The following PITPNM2 variants were observed in gnomAD, a reference collection of about 807,000 sequenced individuals.
PITPNM2 encodes phosphatidylinositol transfer protein membrane associated 2.
PITPNM2 carries 35 observed loss-of-function variants against 132.2 expected under a neutral mutation model. The observed-to-expected ratio is 0.26, with a 90% CI of 0.20 to 0.35. PITPNM2 has a LOEUF of 0.35. Among genes scored for constraint, PITPNM2 ranks in the 10% least tolerant of loss-of-function variants. The pLI is 1.00. For synonymous variants in PITPNM2, 738 were observed against 799.2 expected (o/e 0.92, Z 1.29); for missense variants, 1,332 against 1,912.0 (o/e 0.70, Z 5.66).
chr12:123,010,626 T>TG (rs906766286), intron 5 of PITPNM2: 1 of 155,642 alleles, frequency 6.4e-6, no homozygotes, highest in Non-Finnish European at 1.4e-5. Flanking sequence ...GAACAAGAGG[T>TG]GGGGGGTTCT....
intron 2 of PITPNM2, among the ~76,000 whole-genome samples, chr12:123,079,197 T>A (rs2041879099): frequency 6.6e-6 from 1 of 151,920 alleles, no homozygotes; most frequent in Admixed American, 6.6e-5. Context: ...CTTGGTAGAC[T>A]CCTCAGGACT....
chr12:123,048,367 A>G (rs2040735026), intron 2 of PITPNM2, among the ~76,000 whole-genome samples: 1 of 151,938 alleles, frequency 6.6e-6, no homozygotes, highest in Admixed American at 6.5e-5. Flanking sequence ...GGTGGGTGCT[A>G]GGGACTTGGG....
In PITPNM2 at chr12:123,108,920, G is replaced by A. The variant is rs567989465; in HGVS notation, c.-96+1465C>T. Among the ~76,000 whole-genome samples the A allele has an allele frequency of 2.0e-5, 3 of 152,260 alleles. No homozygotes were observed. The South Asian group carries it at 6.2e-4, about 32-fold the overall frequency. Reference sequence around the variant, plus strand: ...GAACCAAGGGCCCTGTGAGTCACAGGCCAAATTTGAAAAACCATGCCATGT... The same window carrying A: ...GAACCAAGGGCCCTGTGAGTCACAGACCAAATTTGAAAAACCATGCCATGT... On this transcript the variant is annotated intron_variant, in intron 2 of 25. Transcript: ENST00000320201. The surrounding 1 kb of genome is among the most constrained non-coding windows in gnomAD (Gnocchi z 4.4).
Position 122,985,640 on chromosome 12 carries a change from T to G in PITPNM2, c.*387A>C, listed in dbSNP as rs1594113710. On this transcript the variant is annotated 3_prime_UTR_variant, in exon 26 of 26. Coordinates refer to ENST00000320201, the MANE Select transcript of PITPNM2 (RefSeq NM_020845.3). ...GACCCCTGTTGGAGCTGCTACCAAA[T>G]GGGAGGGGACCTGGGAGTGAGGGTG... 9.8e-6 allele frequency: 2 copies of G among 204,558 alleles called. No homozygotes were observed. The highest frequency in any genetic ancestry group is 9.8e-6 in the Non-Finnish European group (1 of 102,326). The allele number at this position is 204,558 out of a possible 1,614,324, so 12.7% of individuals were successfully genotyped here.
At chr12:123,147,289 A>T (rs1273719001) in intron 1 of PITPNM2, among the ~76,000 whole-genome samples, 1 of 152,058 alleles carries the variant, frequency 6.6e-6, no homozygotes, top group African/African-American at 2.4e-5. Flanking sequence ...CCACACTGTG[A>T]GTTAGTGTGT....
chr12:123,087,279 C>A (rs1345288587), intron 2 of PITPNM2: 1 of 151,902 alleles, frequency 6.6e-6, no homozygotes, highest in East Asian at 1.9e-4. Flanking sequence ...AACAGCGTCT[C>A]ACTCTGTCGC....
Position 123,124,235 on chromosome 12 carries a change from C to T in PITPNM2, c.-199-13747G>A, listed in dbSNP as rs778578485. 9.9e-5 allele frequency among the ~76,000 whole-genome samples: 15 copies of T among 151,940 alleles called. 1 individual carries two copies. The highest frequency in any genetic ancestry group is 8.5e-4 in the Admixed American group (13 of 15,274). On this transcript the variant is annotated intron_variant, in intron 1 of 25. Transcript: ENST00000320201. ...TTGTGCCACTGCAGTCCAGCCTGGG[C>T]GACAGAGTGAGACTCCGTCTCAAAA...
In PITPNM2 at chr12:123,069,589, C is replaced by A. The variant is rs74943077; in HGVS notation, c.-95-34904G>T. On this transcript the variant is annotated intron_variant, in intron 2 of 25. Transcript: ENST00000320201. ...CTTCCCCCAGGTGAAGCTTCCTCGC[C>A]TTCCAGGCCCCCTGGAAGCCTTCCC... Among the ~76,000 whole-genome samples, 325 of 152,298 alleles carry A rather than the reference C, an allele frequency of 2.1e-3. 1 individual carries two copies. Among genetic ancestry groups the A allele is most frequent in the African/African-American group, 7.5e-3 (313 of 41,564 alleles).
intron 3 of PITPNM2, among the ~76,000 whole-genome samples, chr12:123,027,907 G>T (rs1051370246): frequency 1.3e-5 from 2 of 152,226 alleles, no homozygotes; most frequent in Non-Finnish European, 2.9e-5. Flanking sequence ...CAGCTACTCA[G>T]TCATGCCACT....
At chr12:123,151,647 T>C (rs2043760571), upstream of PITPNM2, among the ~76,000 whole-genome samples, 1 of 151,418 alleles carries the variant, frequency 6.6e-6, no homozygotes, top group Non-Finnish European at 1.5e-5. Flanking sequence ...CCTCAGGGAG[T>C]AGCTGGAAGA....
chr12:123,065,056 C>T (rs1056058971), intron 2 of PITPNM2, among the ~76,000 whole-genome samples: 2 of 152,214 alleles, frequency 1.3e-5, no homozygotes, highest in African/African-American at 4.8e-5. Context: ...GCTACAGCCC[C>T]CATTCTGCAG....
chr12:123,121,143 C>T (rs892989667), intron 1 of PITPNM2, among the ~76,000 whole-genome samples: 1 of 152,232 alleles, frequency 6.6e-6, no homozygotes, highest in African/African-American at 2.4e-5. Flanking sequence ...AGCAGGTCAG[C>T]GCCAGGCCTG....
chr12:123,078,081 C>T lies in PITPNM2; in HGVS notation c.-96+32304G>A, dbSNP rs1190252812. On this transcript the variant is annotated intron_variant, in intron 2 of 25. Coordinates refer to ENST00000320201, the MANE Select transcript of PITPNM2 (RefSeq NM_020845.3). This position sits in a 1 kb window ranked among gnomAD's most constrained non-coding sequence, Gnocchi z 7.3. ...GCCGGAGGAAGGGAGAAAGGCAGGC[C>T]GGAGAGGAAGGGGTGGGGAGCGGAG... Among the ~76,000 whole-genome samples the T allele has an allele frequency of 2.8e-5, 4 of 141,568 alleles. No homozygotes were observed. The highest frequency in any genetic ancestry group is 6.2e-5 in the Non-Finnish European group (4 of 64,882). The allele number at this position is 141,568 out of a possible 152,430, so 92.9% of individuals were successfully genotyped here. A position where few individuals can be genotyped will look rare whatever the true frequency, so the allele number is the denominator to read the frequency against.
upstream of PITPNM2, among the ~76,000 whole-genome samples, chr12:123,151,319 G>A (rs2043746727): frequency 6.6e-6 from 1 of 151,586 alleles, no homozygotes. Context: ...CTCAGGGCCC[G>A]GGACTGGACT....
intron 2 of PITPNM2, among the ~76,000 whole-genome samples, chr12:123,060,436 G>A (rs1230832754): frequency 1.3e-5 from 2 of 152,168 alleles, no homozygotes; most frequent in Non-Finnish European, 1.5e-5. Flanking sequence ...AGCCACCTTG[G>A]CAGTAAAGCC....
At chr12:123,039,784 G>A (rs2040398718) in intron 2 of PITPNM2, among the ~76,000 whole-genome samples, 1 of 152,144 alleles carries the variant, frequency 6.6e-6, no homozygotes, top group Non-Finnish European at 1.5e-5. Context: ...AGTGGGGGAA[G>A]GGGCATATGG....
intron 2 of PITPNM2, among the ~76,000 whole-genome samples, chr12:123,035,483 T>C (rs1172596290): frequency 6.6e-6 from 1 of 152,066 alleles, no homozygotes; most frequent in Non-Finnish European, 1.5e-5. Flanking sequence ...CTGGCCAACA[T>C]GGTGAAACCC....
chr12:123,095,293 T>A lies in PITPNM2; in HGVS notation c.-96+15092A>T, dbSNP rs1372399324. On this transcript the variant is annotated intron_variant, in intron 2 of 25. Coordinates refer to ENST00000320201, the MANE Select transcript of PITPNM2 (RefSeq NM_020845.3). The surrounding 1 kb of genome is among the most constrained non-coding windows in gnomAD (Gnocchi z 5.0). ...TCGCCCCTGTGGTGACAGGGAGAGC[T>A]AAGCAAATCAGAACCGATGGCCCTG... is the stretch of plus-strand genomic sequence containing the variant. Among the ~76,000 whole-genome samples, 1 of 152,140 alleles carries A rather than the reference T, an allele frequency of 6.6e-6. No homozygotes were observed. The highest frequency in any genetic ancestry group is 1.5e-5 in the Non-Finnish European group (1 of 68,014).
At chr12:123,039,886 C>G (rs1014365921) in intron 2 of PITPNM2, among the ~76,000 whole-genome samples, 2 of 152,222 alleles carry the variant, frequency 1.3e-5, no homozygotes, top group African/African-American at 2.4e-5. Flanking sequence ...AATCCCAGTA[C>G]TTTGGGAGGC....
Sources: gnomAD v4.1 joint callset for allele counts (sites outside exome capture counted in the v4.1 genomes callset) on GRCh38, gnomAD v4.1.1 for gene constraint, Gnocchi (gnomAD v3.1) non-coding constraint, MANE v1.5 for transcripts, NCBI Gene and HGNC (gene_info 2026-07-23, HGNC 2026-07-21) for gene names.